The following MANBA variants were observed in gnomAD, a reference collection of about 807,000 sequenced individuals.
The protein encoded by MANBA is mannosidase beta.
Under a neutral mutation model 111.1 loss-of-function variants are expected in MANBA, and 83 were observed. The observed-to-expected ratio is 0.75, with a 90% CI of 0.63 to 0.90. MANBA has a LOEUF of 0.90. MANBA is among the 40% of genes least tolerant of loss of function. MANBA has a pLI of 0.00. For missense variants in MANBA, 1,036 were observed against 1,069.0 expected (o/e 0.97, Z 0.43); for synonymous variants, 370 against 378.7 (o/e 0.98, Z 0.27).
intron 10 of MANBA, chr4:102,665,064 T>C: frequency 1.8e-6 from 1 of 551,678 alleles, no homozygotes; most frequent in Non-Finnish European, 3.2e-6. Flanking sequence ...TAAACACTGA[T>C]ACATAGGGTT....
chr4:102,722,595 T>G (rs1245979088), intron 4 of MANBA: 1 of 406,724 alleles, frequency 2.5e-6, no homozygotes, highest in African/African-American at 2.0e-5. Context: ...AAAAATAATT[T>G]GTAAAGTTCC....
intron 7 of MANBA, among the ~76,000 whole-genome samples, chr4:102,689,182 C>G (rs1282851655): frequency 6.6e-6 from 1 of 152,006 alleles, no homozygotes; most frequent in African/African-American, 2.4e-5. Context: ...AACCCCATCT[C>G]TACTAAAAAT....
At chr4:102,641,975 T>A (rs1729897207) in intron 13 of MANBA, among the ~76,000 whole-genome samples, 1 of 151,620 alleles carries the variant, frequency 6.6e-6, no homozygotes, top group Non-Finnish European at 1.5e-5. Context: ...TCTGGCACAG[T>A]GCAGTACACT....
At chr4:102,726,739 A>G in intron 1 of MANBA, 56 bp from the exon 2 acceptor site, 2 of 849,862 alleles carry the variant, frequency 2.4e-6, no homozygotes, top group Non-Finnish European at 2.0e-6. Flanking sequence ...AAATAAATTA[A>G]TAAAACAAAC....
At chr4:102,636,076 A>T in intron 14 of MANBA, 69 bp from the exon 15 acceptor site, 5 of 1,419,892 alleles carry the variant, frequency 3.5e-6, no homozygotes, top group Non-Finnish European at 5.0e-6. Context: ...CCAATGGCCC[A>T]GCTGTTTGTG....
chr4:102,668,073 T>C (rs1056095911), intron 10 of MANBA: 2 of 152,204 alleles, frequency 1.3e-5, no homozygotes, highest in Admixed American at 1.3e-4. Flanking sequence ...TTTTCATGTA[T>C]TGACAAGCAT....
chr4:102,686,441 C>G (rs559684836), intron 7 of MANBA, among the ~76,000 whole-genome samples: 1 of 152,264 alleles, frequency 6.6e-6, no homozygotes, highest in East Asian at 1.9e-4. Context: ...AACTGGCCAC[C>G]ATTACCACCT....
Position 102,728,674 on chromosome 4 carries a change from G to A in MANBA, c.178-1991C>T, listed in dbSNP as rs373084588. ...GGGCTGGGCCTCAGGTGGGTCTCAC[G>A]TTCCCTGTGCTCCCTTCTGCTCTCT... On this transcript the variant is annotated intron_variant, in intron 1 of 16. Coordinates refer to ENST00000647097, the MANE Select transcript of MANBA (RefSeq NM_005908.4). 54 of 575,620 alleles carry A rather than the reference G, an allele frequency of 9.4e-5. 2 individuals are homozygous for A. Among genetic ancestry groups the A allele is most frequent in the African/African-American group, 4.3e-4 (23 of 52,932 alleles). 35.7% of individuals were successfully genotyped at this position (575,620 alleles called of 1,614,324 possible). A position where few individuals can be genotyped will look rare whatever the true frequency, so the allele number is the denominator to read the frequency against.
rs1489413092 is a variant in MANBA, at chr4:102,635,442, A to G, written c.2158-397T>C. Among the ~76,000 whole-genome samples the G allele has an allele frequency of 3.9e-5, 6 of 152,194 alleles. No individual in the cohort carries two copies. In the South Asian group the frequency reaches 6.2e-4, roughly 16 times the overall value. On this transcript the variant is annotated intron_variant, in intron 15 of 16. Coordinates refer to ENST00000647097, the MANE Select transcript of MANBA (RefSeq NM_005908.4). ...TACTTAAATTTGTTTTTTAAAACAA[A>G]TTTGCTTTCCACATGCGCATTCTGA...
intron 1 of MANBA, among the ~76,000 whole-genome samples, chr4:102,748,892 G>A (rs948413291): frequency 5.3e-5 from 8 of 151,528 alleles, no homozygotes; most frequent in Non-Finnish European, 8.8e-5. Flanking sequence ...CAGCCTGGGT[G>A]ACAAAGCAAG....
intron 4 of MANBA, chr4:102,722,370 T>C (rs1722616236): frequency 5.9e-6 from 1 of 168,132 alleles, no homozygotes; most frequent in Admixed American, 5.6e-5. Context: ...TGTAGTAAAA[T>C]AGATCCAAGT....
rs530877698 is a variant in MANBA, at chr4:102,720,029, A to G, written c.549+2842T>C. Among the ~76,000 whole-genome samples, 561 of 152,376 alleles carry G rather than the reference A, an allele frequency of 3.7e-3. 3 individuals are homozygous for G. Among genetic ancestry groups the G allele is most frequent in the African/African-American group, 0.013 (540 of 41,588 alleles). ...ATGCCACAAATTGAATAGAGGGTGG[A>G]GCAAAATAGCATATGGATATATGTA... On this transcript the variant is annotated intron_variant, in intron 4 of 16. Coordinates refer to ENST00000647097, the MANE Select transcript of MANBA (RefSeq NM_005908.4).
intron 1 of MANBA, among the ~76,000 whole-genome samples, chr4:102,754,146 T>C (rs930545577): frequency 2.0e-5 from 3 of 152,326 alleles, no homozygotes; most frequent in African/African-American, 7.2e-5. Context: ...ATTGATTTTG[T>C]TTTGTTTCTT....
At chr4:102,682,408 C>A (rs555426223) in intron 7 of MANBA, among the ~76,000 whole-genome samples, 3 of 152,168 alleles carry the variant, frequency 2.0e-5, no homozygotes, top group South Asian at 4.1e-4. Flanking sequence ...AATCTATAGT[C>A]TACACACAAT....
At chr4:102,741,307 A>G (rs931289587) in intron 1 of MANBA, among the ~76,000 whole-genome samples, 2 of 152,214 alleles carry the variant, frequency 1.3e-5, no homozygotes, top group African/African-American at 4.8e-5. Flanking sequence ...GTTGGCATGG[A>G]TATGGTGAAA....
At chr4:102,678,937 T>C (rs1731843713) in intron 7 of MANBA, among the ~76,000 whole-genome samples, 1 of 152,214 alleles carries the variant, frequency 6.6e-6, no homozygotes, top group East Asian at 1.9e-4. Context: ...AAAGCTGTAA[T>C]AGCATCACTA....
rs563668252 is a variant in MANBA, at chr4:102,726,499, A to C, written c.272+90T>G. 432 of 778,688 alleles carry C rather than the reference A, an allele frequency of 5.5e-4. 2 individuals are homozygous for C. In the African/African-American group the frequency reaches 6.7e-3, roughly 12 times the overall value. The allele number at this position is 778,688 out of a possible 1,614,324, so 48.2% of individuals were successfully genotyped here. A position where few individuals can be genotyped will look rare whatever the true frequency, so the allele number is the denominator to read the frequency against. ...ACAAAACAAAACATACAAAACAAAAAAAAAACAAACAAAACACAACATTTT... is the reference window on the plus strand; with the variant it reads ...ACAAAACAAAACATACAAAACAAAACAAAAACAAACAAAACACAACATTTT... On this transcript the variant is annotated intron_variant, in intron 2 of 16. Coordinates refer to ENST00000647097, the MANE Select transcript of MANBA (RefSeq NM_005908.4).
rs74337489 is a variant in MANBA, at chr4:102,670,350, G to A, written c.1230+931C>T. On this transcript the variant is annotated intron_variant, in intron 9 of 16. Transcript: ENST00000647097. ...TGGGCATGAAGATAAAATATGTAGA[G>A]CACTTAGAACAATGCCTGGCACTCA... Among the ~76,000 whole-genome samples the A allele has an allele frequency of 5.2e-3, 793 of 152,156 alleles. 12 individuals carry two copies. Among genetic ancestry groups the A allele is most frequent in the African/African-American group, 0.018 (745 of 41,490 alleles).
intron 7 of MANBA, among the ~76,000 whole-genome samples, 190 bp downstream of exon 7, chr4:102,689,384 G>A (rs1347050699): frequency 2.7e-5 from 4 of 147,774 alleles, no homozygotes; most frequent in Non-Finnish European, 6.0e-5. Context: ...ATATATGTGT[G>A]TGTGTATATA....
Sources: allele counts gnomAD v4.1 joint callset (sites outside exome capture counted in the v4.1 genomes callset), GRCh38; gene constraint gnomAD v4.1.1; transcripts MANE v1.5; gene names NCBI Gene and HGNC (gene_info 2026-07-23, HGNC 2026-07-21).